Variants in CAPN13 observed in about 807,000 individuals in gnomAD.
CAPN13 encodes the protein calpain-13.
In CAPN13, 90 loss-of-function variants were observed where a neutral mutation model predicts 98.4. That is an observed-to-expected ratio of 0.92 (90% CI 0.77 to 1.09). CAPN13 has a LOEUF of 1.09. CAPN13 is among the 50% of genes least tolerant of loss of function. CAPN13 has a pLI of 0.00. For synonymous variants in CAPN13, 330 were observed against 305.5 expected (o/e 1.08, Z -0.84); for missense variants, 887 against 841.3 (o/e 1.05, Z -0.67).
At chr2:30,738,819 C>G (rs1447318672) in intron 15 of CAPN13, among the ~76,000 whole-genome samples, 2 of 152,166 alleles carry the variant, frequency 1.3e-5, no homozygotes, top group Non-Finnish European at 2.9e-5. Context: ...ATGTGTTCCC[C>G]ATCTGCTTCC....
rs372929475 is a variant in CAPN13 at position 30,745,695 on chromosome 2, G to A, written c.1248+28C>T. 1.8e-4 allele frequency: 281 copies of A among 1,595,838 alleles called. 1 individual carries two copies. The highest frequency in any genetic ancestry group is 2.0e-4 in the Non-Finnish European group (239 of 1,178,584). On this transcript the variant is annotated intron_variant, in intron 12 of 22. Coordinates refer to ENST00000295055, the MANE Select transcript of CAPN13 (RefSeq NM_144575.3). ...TCCACCAGCAGACAGCAGCAGAGGC[G>A]CAGGGCAAGGACGACGCTGAGCCAT...
In CAPN13 at chr2:30,734,242, A is replaced by T. The variant is rs1055913508; in HGVS notation, c.1798+207T>A. Among the ~76,000 whole-genome samples, 6 of 152,198 alleles carry T rather than the reference A, an allele frequency of 3.9e-5. No homozygotes were observed. In the East Asian group the frequency reaches 1.2e-3, roughly 29 times the overall value. Reference sequence around the variant, plus strand: ...AAGACATCTGGGAAAATTGAATGGCACGTGAGAACTCAGACAGGGCAACTG... The same window carrying T: ...AAGACATCTGGGAAAATTGAATGGCTCGTGAGAACTCAGACAGGGCAACTG... On this transcript the variant is annotated intron_variant, in intron 19 of 22. Coordinates refer to ENST00000295055, the MANE Select transcript of CAPN13 (RefSeq NM_144575.3).
chr2:30,743,723 C>G (rs574910486), intron 12 of CAPN13, 144 bp from the exon 13 acceptor site: 343 of 769,968 alleles, frequency 4.5e-4, no homozygotes, highest in Non-Finnish European at 5.1e-4. Context: ...CAGTGCTCAG[C>G]TGAAGTCTCA....
intron 1 of CAPN13, among the ~76,000 whole-genome samples, chr2:30,800,136 GAA>G (rs771158037): frequency 1.4e-5 from 2 of 144,434 alleles, no homozygotes; most frequent in East Asian, 2.0e-4. Context: ...AAGAAAGAAA[GAA>G]AGAAAGAAAG....
At chr2:30,789,309 TAGCATTGCCA>T (rs1383747295) in intron 1 of CAPN13, among the ~76,000 whole-genome samples, 1 of 152,208 alleles carries the variant, frequency 6.6e-6, no homozygotes, top group Non-Finnish European at 1.5e-5. Context: ...GGAACCAGTA[TAGCATTGCCA>T]AGCCTCCTAC....
At chr2:30,726,769 G>A (rs973516553) in intron 22 of CAPN13, among the ~76,000 whole-genome samples, 6 of 152,066 alleles carry the variant, frequency 3.9e-5, no homozygotes, top group Non-Finnish European at 8.8e-5. Flanking sequence ...TTTATATTGT[G>A]AAGATGGCAA....
chr2:30,801,697 G>A (rs373770632), intron 1 of CAPN13, among the ~76,000 whole-genome samples: 12 of 151,094 alleles, frequency 7.9e-5, no homozygotes, highest in Non-Finnish European at 1.6e-4. Context: ...ACCACACAAA[G>A]AGAAAGTCAA....
Position 30,788,273 on chromosome 2 carries a change from T to C in CAPN13, c.-32-916A>G, listed in dbSNP as rs141624585. 6.6e-3 allele frequency among the ~76,000 whole-genome samples: 1,004 copies of C among 152,334 alleles called. 10 individuals are homozygous for C. The highest frequency in any genetic ancestry group is 0.023 in the African/African-American group (960 of 41,562). On this transcript the variant is annotated intron_variant, in intron 1 of 22. Coordinates refer to ENST00000295055, the MANE Select transcript of CAPN13 (RefSeq NM_144575.3). ...TGAATCTCATAGGTTTGTTATGATA[T>C]TAAATAAGTTTTGACCTAACCAACT...
intron 8 of CAPN13, 133 bp from the exon 9 acceptor site, chr2:30,754,497 G>A (rs752824165): frequency 1.6e-6 from 1 of 607,746 alleles, no homozygotes; most frequent in Non-Finnish European, 2.7e-6. Context: ...TCCTACCTAG[G>A]ACAGGACCCA....
chr2:30,741,861 C>T, intron 15 of CAPN13, 47 bp downstream of exon 15: 1 of 1,613,536 alleles, frequency 6.2e-7, no homozygotes, highest in Non-Finnish European at 8.5e-7. Context: ...CCCTCAGGTC[C>T]CCTTTCTCCA....
At chr2:30,784,235 T>C (rs1674142204) in intron 2 of CAPN13, among the ~76,000 whole-genome samples, 1 of 151,920 alleles carries the variant, frequency 6.6e-6, no homozygotes, top group Non-Finnish European at 1.5e-5. Flanking sequence ...CTACACTCCC[T>C]GCCAACCTTC....
At chr2:30,781,365 T>C (rs1049436674) in intron 2 of CAPN13, among the ~76,000 whole-genome samples, 2 of 152,196 alleles carry the variant, frequency 1.3e-5, no homozygotes, top group African/African-American at 2.4e-5. Context: ...AGAAGGAAGT[T>C]GGGAGGGTTA....
intron 8 of CAPN13, among the ~76,000 whole-genome samples, chr2:30,754,983 C>A (rs1672371058): frequency 6.6e-6 from 1 of 152,154 alleles, no homozygotes. Context: ...CCATATTATT[C>A]TTAAGGTGAA....
intron 15 of CAPN13, among the ~76,000 whole-genome samples, chr2:30,738,687 G>A (rs908101896): frequency 6.6e-6 from 1 of 152,120 alleles, no homozygotes; most frequent in Non-Finnish European, 1.5e-5. Context: ...TGGTGTGGGT[G>A]ACCTTGCATT....
intron 15 of CAPN13, among the ~76,000 whole-genome samples, chr2:30,740,090 T>C (rs1055785141): frequency 2.2e-5 from 3 of 137,622 alleles, no homozygotes; most frequent in Admixed American, 1.4e-4. Flanking sequence ...AGGTTTTTTT[T>C]TTTTTTTTTT....
intron 7 of CAPN13, among the ~76,000 whole-genome samples, chr2:30,762,237 A>T (rs1425175291): frequency 6.6e-6 from 1 of 152,190 alleles, no homozygotes; most frequent in Admixed American, 6.5e-5. Context: ...TTATGAACGG[A>T]GAAGGTTGTG....
At chr2:30,796,901 C>T (rs1674911777) in intron 1 of CAPN13, among the ~76,000 whole-genome samples, 4 of 152,160 alleles carry the variant, frequency 2.6e-5, no homozygotes, top group South Asian at 4.1e-4. Context: ...AGAGGCTTAT[C>T]GGCACTCTCA....
At chr2:30,735,190 A>G (rs920916714) in intron 18 of CAPN13, among the ~76,000 whole-genome samples, 4 of 152,132 alleles carry the variant, frequency 2.6e-5, no homozygotes, top group African/African-American at 4.8e-5. Flanking sequence ...CCTCTATCCA[A>G]TTCTCTGTAT....
At chr2:30,763,665 C>G (rs1040320416) in intron 6 of CAPN13, among the ~76,000 whole-genome samples, 15 of 152,332 alleles carry the variant, frequency 9.8e-5, no homozygotes, top group Middle Eastern at 3.4e-3. Flanking sequence ...GTCACCCAAG[C>G]TTTTCAAAAT....
Sources: allele counts gnomAD v4.1 joint callset (sites outside exome capture counted in the v4.1 genomes callset), GRCh38; gene constraint gnomAD v4.1.1; transcripts MANE v1.5; gene names NCBI Gene and HGNC (gene_info 2026-07-23, HGNC 2026-07-21).